CTNNBL1: variants seen among roughly 807,000 people sequenced by gnomAD.
The protein encoded by CTNNBL1 is catenin beta like 1.
A neutral mutation model predicts 72.7 loss-of-function variants in CTNNBL1; 31 were observed. That is an observed-to-expected ratio of 0.43 (90% confidence interval 0.32 to 0.58). The LOEUF is 0.58. CTNNBL1 is among the 20% of genes least tolerant of loss of function. The pLI, the probability that CTNNBL1 is intolerant of heterozygous loss-of-function variation, is 0.08. For synonymous variants in CTNNBL1, 240 were observed against 267.3 expected, an observed-to-expected ratio of 0.90 and a Z score of 1.00; for missense variants, 534 against 725.1, an observed-to-expected ratio of 0.74 and a Z score of 3.03.
chr20:37,835,267 A>C (rs1342754035), intron 11 of CTNNBL1, among the ~76,000 whole-genome samples: 1 of 152,240 alleles, frequency 6.6e-6, no homozygotes, highest in Admixed American at 6.5e-5. Flanking sequence ...TGCAGATAAC[A>C]GATCACGGGC....
chr20:37,751,536 T>C (rs1038389522), intron 4 of CTNNBL1: 1 of 152,222 alleles, frequency 6.6e-6, no homozygotes, highest in Non-Finnish European at 1.5e-5. Flanking sequence ...GAAGAATTAC[T>C]GTGGGAATTC....
chr20:37,808,506 T>C (rs183084235), intron 11 of CTNNBL1, among the ~76,000 whole-genome samples: 2 of 152,212 alleles, frequency 1.3e-5, no homozygotes, highest in Non-Finnish European at 2.9e-5. Flanking sequence ...AAAGACCTAG[T>C]ATGTGACAGA....
intron 7 of CTNNBL1, among the ~76,000 whole-genome samples, chr20:37,771,326 A>G (rs1211641201): frequency 1.3e-5 from 2 of 152,194 alleles, no homozygotes; most frequent in Admixed American, 6.5e-5. Context: ...ATGTGATTCT[A>G]ATGTACAACT....
intron 13 of CTNNBL1, among the ~76,000 whole-genome samples, chr20:37,848,362 C>T (rs568314121): frequency 6.6e-6 from 1 of 152,104 alleles, no homozygotes; most frequent in East Asian, 1.9e-4. Flanking sequence ...TGCTATGTTG[C>T]CCAGGGTGTT....
chr20:37,724,650 T>A (rs1004970213), intron 1 of CTNNBL1, among the ~76,000 whole-genome samples: 3 of 152,154 alleles, frequency 2.0e-5, no homozygotes, highest in African/African-American at 7.2e-5. Flanking sequence ...AGATCAAGGA[T>A]GCCTGATGCC....
intron 15 of CTNNBL1, among the ~76,000 whole-genome samples, chr20:37,863,527 C>T (rs931253030): frequency 6.6e-6 from 1 of 152,142 alleles, no homozygotes; most frequent in African/African-American, 2.4e-5. Context: ...AGGACTGGTA[C>T]CCAAACCAGG....
At chr20:37,857,202 T>C (rs1568814157) in intron 13 of CTNNBL1, among the ~76,000 whole-genome samples, 1 of 152,256 alleles carries the variant, frequency 6.6e-6, no homozygotes, top group Non-Finnish European at 1.5e-5. Context: ...GAGAACGTTC[T>C]ATTTTTAAAC....
At chr20:37,706,590 T>G (rs939814391) in intron 1 of CTNNBL1, among the ~76,000 whole-genome samples, 1 of 152,230 alleles carries the variant, frequency 6.6e-6, no homozygotes, top group Non-Finnish European at 1.5e-5. Context: ...TCTTACTGTT[T>G]CCACCACATC....
chr20:37,775,873 G>A (rs1056853163), intron 7 of CTNNBL1, among the ~76,000 whole-genome samples: 30 of 152,178 alleles, frequency 2.0e-4, no homozygotes, highest in African/African-American at 7.2e-4. Context: ...TCAGTTAAGT[G>A]TCTTGTTTTA....
At position 37,765,197 on chromosome 20, in the gene CTNNBL1, G is replaced by A. The variant is rs2122661169; in HGVS notation, c.565G>A (p.Val189Met). ...EGAEVLIDAL[V>M]DGQVVALLVQ... ...TCCTTTTGCTTCGCTATTCTTGCAG[G>A]TGGATGGGCAGGTGGTAGCACTGCT... is the stretch of plus-strand genomic sequence containing the variant. The change falls in exon 6 of 16, where the codon GTG (valine) becomes ATG (methionine). Residue 189 changes from valine (V) to methionine (M), a missense_variant and splice_region_variant. Coordinates refer to ENST00000361383, the MANE Select transcript of CTNNBL1 (RefSeq NM_030877.5). 6.4e-7 allele frequency: 1 copy of A among 1,550,416 alleles called. No homozygotes were observed.
chr20:37,791,193 T>C (rs568675008), intron 10 of CTNNBL1, among the ~76,000 whole-genome samples: 3 of 152,374 alleles, frequency 2.0e-5, no homozygotes, highest in Non-Finnish European at 4.4e-5. Context: ...TTTGCTCTTA[T>C]GAATAATTCT....
intron 1 of CTNNBL1, chr20:37,727,340 C>T (rs1292811178): frequency 2.0e-6 from 2 of 984,832 alleles, no homozygotes; most frequent in Non-Finnish European, 2.4e-6. Context: ...AGGCAATAGG[C>T]CTCAAGATTA....
intron 13 of CTNNBL1, among the ~76,000 whole-genome samples, chr20:37,856,058 G>A (rs2072437581): frequency 6.6e-6 from 1 of 152,098 alleles, no homozygotes. Flanking sequence ...CCAACATGGT[G>A]AAACCACATC....
At position 37,733,022 on chromosome 20, in the gene CTNNBL1, G is replaced by A. The variant is rs1368214237; in HGVS notation, c.174G>A (p.Arg58=). The A allele has an allele frequency of 1.2e-6, 2 of 1,613,894 alleles. No homozygotes were observed. The highest frequency in any genetic ancestry group is 1.7e-5 in the Admixed American group (1 of 60,026). The part of the protein sequence containing the change: ...VVEEADDDKK[R]LLQIIDRDGE... The stretch of plus-strand genomic sequence containing the variant: ...AGGAAGCGGATGATGACAAAAAAAG[G>A]CTGCTGCAGATTATTGACAGAGATG... The change falls in exon 2 of 16, where the codon AGG becomes AGA. Residue 58 remains arginine, a synonymous_variant. Coordinates refer to ENST00000361383, the MANE Select transcript of CTNNBL1 (RefSeq NM_030877.5).
intron 12 of CTNNBL1, among the ~76,000 whole-genome samples, chr20:37,842,015 A>T (rs966225617): frequency 6.6e-6 from 1 of 152,234 alleles, no homozygotes; most frequent in African/African-American, 2.4e-5. Flanking sequence ...TCTTGGCAAG[A>T]AGGGACTTGA....
At position 37,840,191 on chromosome 20, in the gene CTNNBL1, A is replaced by C. The variant is rs773747899; in HGVS notation, c.1303A>C (p.Ser435Arg). ...TCTGAATAAATTCACTGAAAATGACAGTGAGAAGGTGGGTGACTGTTGGAC... is the reference window on the plus strand; with the variant it reads ...TCTGAATAAATTCACTGAAAATGACCGTGAGAAGGTGGGTGACTGTTGGAC... ...RLLNKFTEND[S>R]EKVDRLMELH... Residue 435 changes from serine (S) to arginine (R), a missense_variant, in exon 12 of 16, where the codon AGT becomes CGT. Ser to Arg is a moderately radical substitution (Grantham distance 110). Transcript: ENST00000361383. 6.2e-7 allele frequency: 1 copy of C among 1,611,532 alleles called. No homozygotes were observed.
chr20:37,825,258 C>G (rs1055753842), intron 11 of CTNNBL1, among the ~76,000 whole-genome samples: 3 of 151,988 alleles, frequency 2.0e-5, no homozygotes, highest in Non-Finnish European at 1.5e-5. Flanking sequence ...GAGGCTGAGA[C>G]AGGATAATCG....
chr20:37,860,235 T>C (rs1487473692), intron 14 of CTNNBL1, 37 bp from the exon 15 acceptor site: 1 of 1,572,622 alleles, frequency 6.4e-7, no homozygotes, highest in Non-Finnish European at 8.8e-7. Context: ...GGACAAATGG[T>C]TGTCTTTCTT....
chr20:37,762,754 T>C (rs2073429284), intron 5 of CTNNBL1, among the ~76,000 whole-genome samples: 1 of 152,250 alleles, frequency 6.6e-6, no homozygotes, highest in South Asian at 2.1e-4. Context: ...TGAAGGGTTT[T>C]CTGAGCTAAA....
Sources: allele counts gnomAD v4.1 joint callset (sites outside exome capture counted in the v4.1 genomes callset), GRCh38; gene constraint gnomAD v4.1.1; transcripts MANE v1.5; gene names NCBI Gene and HGNC (gene_info 2026-07-23, HGNC 2026-07-21).